NHS: variants seen among roughly 807,000 people sequenced by gnomAD.
NHS encodes the protein NHS actin remodeling regulator.
A neutral mutation model predicts 72.5 loss-of-function variants in NHS; 5 were observed. That is an observed-to-expected ratio of 0.07 (90% confidence interval 0.04 to 0.14). NHS has a LOEUF of 0.14. Ranked by LOEUF, NHS falls within the 10% of genes least tolerant of loss-of-function variation. NHS has a pLI of 1.00. For synonymous variants in NHS, 464 were observed against 547.7 expected (o/e 0.85, Z 2.13); for missense variants, 1,072 against 1,355.7 (o/e 0.79, Z 3.29).
chrX:17,473,902 A>ATATTTATT (rs750807045), intron 1 of NHS, among the ~76,000 whole-genome samples: 7 of 111,256 alleles, frequency 6.3e-5, no homozygotes, highest in African/African-American at 2.3e-4. Flanking sequence ...ACAATGCTTT[A>ATATTTATT]TATTTATTTA....
chrX:17,629,232 G>T (rs998705215), intron 1 of NHS, among the ~76,000 whole-genome samples: 1 of 112,359 alleles, frequency 8.9e-6, no homozygotes, highest in African/African-American at 3.2e-5. Context: ...GTCAGGCCTG[G>T]ATATTTCCTG....
At chrX:17,381,606 C>G (rs2064378272) in intron 1 of NHS, among the ~76,000 whole-genome samples, 1 of 112,450 alleles carries the variant, frequency 8.9e-6, no homozygotes, top group Admixed American at 9.4e-5. Flanking sequence ...ATTCTTTCAT[C>G]TTATTGCATA....
chrX:17,448,932 A>G (rs1259706804), intron 1 of NHS, among the ~76,000 whole-genome samples: 1 of 112,891 alleles, frequency 8.9e-6, no homozygotes, highest in Non-Finnish European at 1.9e-5. Flanking sequence ...ATCTTTATGA[A>G]GTACCATGTT....
intron 1 of NHS, among the ~76,000 whole-genome samples, chrX:17,505,252 G>A (rs1330382028): frequency 3.6e-5 from 4 of 111,445 alleles, no homozygotes; most frequent in African/African-American, 1.3e-4. Flanking sequence ...TATCAACATT[G>A]CTGCATTGTG....
At chrX:17,443,657 T>C (rs372152295) in intron 1 of NHS, among the ~76,000 whole-genome samples, 16 of 112,040 alleles carry the variant, frequency 1.4e-4, no homozygotes, top group African/African-American at 4.9e-4. Flanking sequence ...CTTCATTCCA[T>C]CTTGTAATTT....
chrX:17,433,741 G>A (rs1365067220), intron 1 of NHS, among the ~76,000 whole-genome samples: 2 of 112,102 alleles, frequency 1.8e-5, no homozygotes, highest in Non-Finnish European at 3.8e-5. Flanking sequence ...AAGAAGCTGT[G>A]TGCCTGAAAA....
chrX:17,492,732 G>A (rs1479851640), intron 1 of NHS, among the ~76,000 whole-genome samples: 1 of 111,227 alleles, frequency 9.0e-6, no homozygotes, highest in African/African-American at 3.3e-5. Flanking sequence ...TTGACAGTGG[G>A]GTGTTAAAGT....
At chrX:17,382,170 G>T (rs1414755200) in intron 1 of NHS, among the ~76,000 whole-genome samples, 1 of 111,575 alleles carries the variant, frequency 9.0e-6, no homozygotes, top group Non-Finnish European at 1.9e-5. Context: ...TGATATATAG[G>T]TAAATCATGT....
intron 1 of NHS, among the ~76,000 whole-genome samples, chrX:17,418,687 C>G (rs1032846414): frequency 7.2e-5 from 8 of 111,364 alleles, no homozygotes; most frequent in African/African-American, 2.6e-4. Flanking sequence ...TTGCAAAGAC[C>G]TGGTGCAATG....
rs764621877 is a variant in NHS at position 17,502,107 on chromosome X, A to G, written c.565+125785A>G. On this transcript the variant is annotated intron_variant, in intron 1 of 8. Transcript: ENST00000676302. ...AATTGTAGCTTGTGTACACTCGGGA[A>G]AAAAGGGCCTATTTGTCTCCTCGGG... Among the ~76,000 whole-genome samples, 7 of 111,885 alleles carry G rather than the reference A, an allele frequency of 6.3e-5. No individual in the cohort carries two copies. The South Asian group carries it at 2.6e-3, about 42-fold the overall frequency.
intron 1 of NHS, among the ~76,000 whole-genome samples, chrX:17,461,793 T>C (rs1036539068): frequency 8.8e-6 from 1 of 113,091 alleles, no homozygotes; most frequent in African/African-American, 3.2e-5. Flanking sequence ...CCAGTAGGGC[T>C]TGTGGCTGAG....
At chrX:17,600,286 C>G (rs112064901) in intron 1 of NHS, among the ~76,000 whole-genome samples, 1 of 101,356 alleles carries the variant, frequency 9.9e-6, no homozygotes, top group African/African-American at 3.6e-5. Context: ...CAGAGAGAGA[C>G]AGAGAGAGAG....
At position 17,376,013 on chromosome X, in the gene NHS, G is replaced by A. The variant is rs1167916295; in HGVS notation, c.256G>A (p.Gly86Arg). Residue 86 changes from glycine (G) to arginine (R), a missense_variant, in exon 1 of 9, where the codon GGA becomes AGA. Transcript: ENST00000676302. ...GGCCGACCAGACTCAGCCGCCGCACGGAGAGGCGTCCGTGGCTGGCGAGGA... is the reference window on the plus strand; with the variant it reads ...GGCCGACCAGACTCAGCCGCCGCACAGAGAGGCGTCCGTGGCTGGCGAGGA... ...APADQTQPPH[G>R]EASVAGEEST... is the part of the protein sequence containing the mutation. 2.8e-6 allele frequency: 3 copies of A among 1,082,120 alleles called. No individual in the cohort carries two copies. Among genetic ancestry groups the A allele is most frequent in the East Asian group, 8.2e-5 (2 of 24,363 alleles). The allele number at this position is 1,082,120 out of a possible 1,213,427, so 89.2% of individuals were successfully genotyped here. A position where few individuals can be genotyped will look rare whatever the true frequency, so the allele number is the denominator to read the frequency against.
chrX:17,541,021 A>C (rs766500814), intron 1 of NHS, among the ~76,000 whole-genome samples: 1 of 111,971 alleles, frequency 8.9e-6, no homozygotes, highest in Non-Finnish European at 1.9e-5. Flanking sequence ...TCAATGAGCC[A>C]AGATTGCACC....
intron 1 of NHS, among the ~76,000 whole-genome samples, chrX:17,665,453 G>C (rs991568903): frequency 4.9e-5 from 5 of 101,176 alleles, no homozygotes; most frequent in Non-Finnish European, 7.9e-5. Context: ...TCAGCCTCCC[G>C]AGTAGCTGGG....
At chrX:17,723,770 T>TGTGTGTGTGTGCGTGC (rs541219770) in intron 5 of NHS, among the ~76,000 whole-genome samples, 1 of 91,337 alleles carries the variant, frequency 1.1e-5, no homozygotes, top group African/African-American at 5.1e-5. Context: ...TGTGTGTGTG[T>TGTGTGTGTGTGCGTGC]GCGCGCGCGT....
intron 1 of NHS, among the ~76,000 whole-genome samples, chrX:17,651,445 T>C: frequency 8.9e-6 from 1 of 112,428 alleles, no homozygotes; most frequent in Non-Finnish European, 1.9e-5. Flanking sequence ...TTACTCAAGG[T>C]AGGCTAATTC....
At chrX:17,424,070 C>A (rs113585526) in intron 1 of NHS, among the ~76,000 whole-genome samples, 7 of 112,286 alleles carry the variant, frequency 6.2e-5, no homozygotes, top group Non-Finnish European at 1.3e-4. Context: ...CCAAGGTGAT[C>A]CTAATCTACT....
chrX:17,561,447 C>T (rs2065411713), intron 1 of NHS, among the ~76,000 whole-genome samples: 1 of 109,893 alleles, frequency 9.1e-6, no homozygotes, highest in Admixed American at 9.7e-5. Flanking sequence ...ATTAAAAAGT[C>T]CCGTCTTGTA....
Sources: gnomAD v4.1 joint callset for allele counts (sites outside exome capture counted in the v4.1 genomes callset) on GRCh38, gnomAD v4.1.1 for gene constraint, MANE v1.5 for transcripts, NCBI Gene and HGNC (gene_info 2026-07-23, HGNC 2026-07-21) for gene names.